PCSK5: variants seen among roughly 807,000 people sequenced by gnomAD.
PCSK5 encodes the protein prohormone convertase 5.
Under a neutral mutation model 233.2 loss-of-function variants are expected in PCSK5, and 129 were observed. That is an observed-to-expected ratio of 0.55 (90% CI 0.48 to 0.64). The LOEUF is 0.64. Ranked by LOEUF, PCSK5 falls within the 30% of genes least tolerant of loss-of-function variation. The pLI is 0.00. For synonymous variants in PCSK5, 825 were observed against 879.2 expected (o/e 0.94, Z 1.09); for missense variants, 2,076 against 2,430.1 (o/e 0.85, Z 3.06).
At chr9:75,967,176 T>G (rs769455353) in intron 2 of PCSK5, among the ~76,000 whole-genome samples, 72 of 152,336 alleles carry the variant, frequency 4.7e-4, no homozygotes, top group Non-Finnish European at 4.4e-4. Flanking sequence ...ATGGGTATAT[T>G]GCCTGATGCT....
chr9:76,268,584 C>T (rs1051817788), intron 24 of PCSK5, among the ~76,000 whole-genome samples: 8 of 152,176 alleles, frequency 5.3e-5, no homozygotes, highest in Non-Finnish European at 1.0e-4. Context: ...TGGCTCATGC[C>T]TATAATCCCA....
rs12378909 is a variant in PCSK5 at position 76,351,511 on chromosome 9, A to G, written c.5067+583A>G. ...AAGAAAGAAAGAAAGAAAGAAAGAA[A>G]GAAAGAAAGAAAGAAAGAAAGGAAG... On this transcript the variant is annotated intron_variant, in intron 36 of 37. Transcript: ENST00000674117. 4.3e-3 allele frequency among the ~76,000 whole-genome samples: 292 copies of G among 67,594 alleles called. 1 individual carries two copies. Among genetic ancestry groups the G allele is most frequent in the Middle Eastern group, 9.7e-3 (2 of 206 alleles). The allele number at this position is 67,594 out of a possible 152,430, so 44.3% of individuals were successfully genotyped here.
chr9:76,339,939 A>C (rs1380053103), intron 35 of PCSK5, among the ~76,000 whole-genome samples: 1 of 152,190 alleles, frequency 6.6e-6, no homozygotes, highest in Admixed American at 6.5e-5. Context: ...TCTAGAAGCT[A>C]GAACTACCCA....
Position 76,071,861 on chromosome 9 carries a change from C to G in PCSK5, c.857C>G (p.Pro286Arg). The change falls in exon 7 of 38, where the codon CCC (proline) becomes CGC (arginine). Residue 286 changes from proline to arginine, a missense_variant. By Grantham distance (103) the Pro-to-Arg change is moderately radical (BLOSUM62 -2). Around this residue, in one of 6 missense-constraint regions of PCSK5, gnomAD observed 178 missense variants for 393.6 expected, o/e 0.45. Coordinates refer to ENST00000674117, the MANE Select transcript of PCSK5 (RefSeq NM_001372043.1). ...DDGKTVDGPA[P>R]LTRQAFENGV... ...GGCAAGACTGTGGACGGACCAGCCCCCCTCACCCGGCAAGCCTTTGAAAAC... is the reference window on the plus strand; with the variant it reads ...GGCAAGACTGTGGACGGACCAGCCCGCCTCACCCGGCAAGCCTTTGAAAAC... 6.2e-7 allele frequency: 1 copy of G among 1,614,120 alleles called. No homozygotes were observed. The highest frequency in any genetic ancestry group is 8.5e-7 in the Non-Finnish European group (1 of 1,180,006).
intron 7 of PCSK5, among the ~76,000 whole-genome samples, chr9:76,092,064 G>C (rs556758230): frequency 1.3e-5 from 2 of 152,176 alleles, no homozygotes; most frequent in South Asian, 4.2e-4. Flanking sequence ...TACTGGAATA[G>C]AATGACCTGT....
chr9:76,118,327 T>C (rs1478606531), intron 9 of PCSK5, among the ~76,000 whole-genome samples: 1 of 149,922 alleles, frequency 6.7e-6, no homozygotes, highest in Non-Finnish European at 1.5e-5. Flanking sequence ...TAAAAAATAA[T>C]TTTAAAGTGA....
intron 35 of PCSK5, among the ~76,000 whole-genome samples, chr9:76,344,350 A>G (rs116026815): frequency 9.0e-4 from 137 of 151,760 alleles, no homozygotes; most frequent in Middle Eastern, 6.8e-3. Context: ...ACCACCCACC[A>G]TTCCCAGGAA....
At chr9:75,906,295 G>A (rs573092270) in intron 1 of PCSK5, among the ~76,000 whole-genome samples, 2 of 151,948 alleles carry the variant, frequency 1.3e-5, no homozygotes, top group South Asian at 2.1e-4. Flanking sequence ...GCGCAATCTC[G>A]GCTCACTGCA....
chr9:76,155,004 C>T (rs1031054765), intron 10 of PCSK5, among the ~76,000 whole-genome samples: 3 of 152,044 alleles, frequency 2.0e-5, no homozygotes, highest in African/African-American at 7.2e-5. Flanking sequence ...TGATAATTTT[C>T]ATTTTGTTTA....
intron 24 of PCSK5, among the ~76,000 whole-genome samples, chr9:76,283,121 T>C (rs565344209): frequency 2.7e-4 from 41 of 152,378 alleles, no homozygotes; most frequent in African/African-American, 9.4e-4. Context: ...CTGGTGAAGA[T>C]GCTGTGAACA....
intron 5 of PCSK5, among the ~76,000 whole-genome samples, chr9:76,059,381 A>G (rs950121549): frequency 2.0e-5 from 3 of 152,126 alleles, no homozygotes; most frequent in Admixed American, 6.5e-5. Flanking sequence ...CCATTTGTCA[A>G]TTTGGCTTTT....
intron 26 of PCSK5, among the ~76,000 whole-genome samples, chr9:76,296,372 C>T (rs970785251): frequency 2.0e-5 from 3 of 152,138 alleles, no homozygotes; most frequent in Admixed American, 6.6e-5. Flanking sequence ...CATGGTGAAA[C>T]CCCATCTCTA....
intron 9 of PCSK5, among the ~76,000 whole-genome samples, chr9:76,129,516 C>T (rs1822669476): frequency 6.6e-6 from 1 of 151,952 alleles, no homozygotes; most frequent in Non-Finnish European, 1.5e-5. Flanking sequence ...ATCAGCTGCC[C>T]CTAAATTACA....
chr9:75,913,663 C>T (rs968191656), intron 1 of PCSK5, among the ~76,000 whole-genome samples: 2 of 152,174 alleles, frequency 1.3e-5, no homozygotes, highest in Non-Finnish European at 1.5e-5. Flanking sequence ...TCTCATGTCT[C>T]ATTACCACAT....
At chr9:76,067,651 AC>A (rs1830332140) in intron 5 of PCSK5, among the ~76,000 whole-genome samples, 2 of 152,242 alleles carry the variant, frequency 1.3e-5, no homozygotes, top group South Asian at 4.1e-4. Flanking sequence ...TCCAGTGACA[AC>A]TATGTGGATC....
chr9:76,259,791 G>C (rs1827108287), intron 24 of PCSK5, among the ~76,000 whole-genome samples: 1 of 152,044 alleles, frequency 6.6e-6, no homozygotes, highest in Admixed American at 6.5e-5. Flanking sequence ...AAGCGCCCTT[G>C]TGGAGCATGG....
Position 76,313,905 on chromosome 9 carries a change from C to T in PCSK5, c.3884+3054C>T, listed in dbSNP as rs150042158. ...GTTTGGAAACTCCCAGTCCTCCTCC[C>T]CTATCAACCGAGCTCCACCCCAGCA... On this transcript the variant is annotated intron_variant, in intron 30 of 37. Coordinates refer to ENST00000674117, the MANE Select transcript of PCSK5 (RefSeq NM_001372043.1). 3.8e-4 allele frequency among the ~76,000 whole-genome samples: 58 copies of T among 152,182 alleles called. 2 individuals are homozygous for T. The East Asian group carries it at 9.9e-3, about 26-fold the overall frequency.
At chr9:76,224,843 TCA>T (rs1406706505) in intron 20 of PCSK5, among the ~76,000 whole-genome samples, 3 of 152,228 alleles carry the variant, frequency 2.0e-5, no homozygotes, top group Non-Finnish European at 4.4e-5. Context: ...TTTAAAATTT[TCA>T]CAGTTATATC....
At chr9:76,307,182 T>C (rs1828728512) in intron 28 of PCSK5, among the ~76,000 whole-genome samples, 1 of 151,984 alleles carries the variant, frequency 6.6e-6, no homozygotes, top group African/African-American at 2.4e-5. Flanking sequence ...TTAATTACCG[T>C]ATCCATGGTT....
Sources: allele counts gnomAD v4.1 joint callset (sites outside exome capture counted in the v4.1 genomes callset), GRCh38; gene constraint gnomAD v4.1.1; regional missense constraint gnomAD v4.1.1; transcripts MANE v1.5; gene names NCBI Gene and HGNC (gene_info 2026-07-23, HGNC 2026-07-21).